Variants in SPNS3 observed in about 807,000 individuals in gnomAD.
SPNS3 encodes SPNS lysolipid transporter 3, sphingosine-1-phosphate (putative).
Under a neutral mutation model 54.4 loss-of-function variants are expected in SPNS3, and 51 were observed. That is an observed-to-expected ratio of 0.94 (90% CI 0.75 to 1.18). SPNS3 has a LOEUF of 1.18. Among genes scored for constraint, SPNS3 ranks in the 50% most tolerant of loss-of-function variants. The pLI is 0.00. For missense variants in SPNS3, 669 were observed against 677.4 expected, an observed-to-expected ratio of 0.99 and a Z score of 0.14; for synonymous variants, 309 against 294.7, an observed-to-expected ratio of 1.05 and a Z score of -0.50.
chr17:4,458,444 T>A (rs377642430), intron 8 of SPNS3, among the ~76,000 whole-genome samples: 3,762 of 73,458 alleles, frequency 0.051, 68 homozygotes, highest in South Asian at 0.11. Context: ...CCTCCCTCCC[T>A]CCCTTCTTTC....
chr17:4,461,356 C>CTTTTTTT (rs368514624), intron 8 of SPNS3, among the ~76,000 whole-genome samples: 1 of 56,992 alleles, frequency 1.8e-5, no homozygotes, highest in African/African-American at 6.0e-5. Context: ...CTTTTCTTTT[C>CTTTTTTT]TTTTCTTTTT....
intron 9 of SPNS3, chr17:4,482,176 G>T (rs1972180057): frequency 6.6e-6 from 1 of 152,282 alleles, no homozygotes; most frequent in African/African-American, 2.4e-5. Context: ...GTGAGCCACT[G>T]CGCCTGTCCA....
chr17:4,434,995 G>T lies in SPNS3; in HGVS notation c.199+829G>T, dbSNP rs558837872. On this transcript the variant is annotated intron_variant, in intron 1 of 11. Transcript: ENST00000355530. The stretch of plus-strand genomic sequence containing the variant: ...TTTTTGTATTTTTAGTAGAGACGGG[G>T]TTTTGCCGTGTATGCCAGGCTGTCT... Among the ~76,000 whole-genome samples the T allele has an allele frequency of 5.7e-4, 84 of 147,486 alleles. No homozygotes were observed. The East Asian group carries it at 0.012, about 21-fold the overall frequency.
Position 4,483,154 on chromosome 17 carries a change from C to A in SPNS3, c.1180-3074C>A, listed in dbSNP as rs113462751. On this transcript the variant is annotated intron_variant, in intron 9 of 11. Coordinates refer to ENST00000355530, the MANE Select transcript of SPNS3 (RefSeq NM_182538.5). This position sits in a 1 kb window ranked among gnomAD's most constrained non-coding sequence, Gnocchi z 4.2. ...TCACCCTCTCAGGGGCGTCTGGGGG[C>A]GAGGCCTGGGTGGGGGTGCAGGAGG... Among the ~76,000 whole-genome samples, 550 of 152,304 alleles carry A rather than the reference C, an allele frequency of 3.6e-3. 4 individuals are homozygous for A. Among genetic ancestry groups the A allele is most frequent in the African/African-American group, 0.012 (503 of 41,564 alleles).
At chr17:4,460,150 T>G (rs1309546380) in intron 8 of SPNS3, among the ~76,000 whole-genome samples, 1 of 152,074 alleles carries the variant, frequency 6.6e-6, no homozygotes, top group Non-Finnish European at 1.5e-5. Flanking sequence ...CTGTGATTAG[T>G]GCAGAGAGAG....
chr17:4,440,025 C>A (rs1168627536), intron 2 of SPNS3, among the ~76,000 whole-genome samples: 1 of 152,176 alleles, frequency 6.6e-6, no homozygotes, highest in Non-Finnish European at 1.5e-5. Flanking sequence ...GTTGGTGAGG[C>A]TCAGCGGTGC....
In SPNS3 at chr17:4,486,155, C is replaced by T. The variant is rs890092037; in HGVS notation, c.1180-73C>T. Reference sequence around the variant, plus strand: ...GGCCTGTCACTCCTCCAGGCAGGTCCTTGGCAGGTGGGGAACAGCAGGCAA... The same window carrying T: ...GGCCTGTCACTCCTCCAGGCAGGTCTTTGGCAGGTGGGGAACAGCAGGCAA... On this transcript the variant is annotated intron_variant, in intron 9 of 11. Transcript: ENST00000355530. The surrounding 1 kb of genome is among the most constrained non-coding windows in gnomAD (Gnocchi z 5.5). 3.6e-6 allele frequency: 5 copies of T among 1,378,428 alleles called. No homozygotes were observed. Among genetic ancestry groups the T allele is most frequent in the Non-Finnish European group, 4.8e-6 (5 of 1,040,254 alleles). The allele number at this position is 1,378,428 out of a possible 1,614,324, so 85.4% of individuals were successfully genotyped here. A position where few individuals can be genotyped will look rare whatever the true frequency, so the allele number is the denominator to read the frequency against.
Position 4,448,208 on chromosome 17 carries a change from A to G in SPNS3, c.675A>G (p.Pro225=), listed in dbSNP as rs145332257. 1.2e-4 allele frequency: 187 copies of G among 1,605,376 alleles called. No individual in the cohort carries two copies. In the African/African-American group the frequency reaches 2.3e-3, roughly 20 times the overall value. The change falls in exon 6 of 12, where the codon CCA becomes CCG. Residue 225 remains proline, a synonymous_variant. Coordinates refer to ENST00000355530, the MANE Select transcript of SPNS3 (RefSeq NM_182538.5). ...TGATCCTGCTTATCCTGCTGGTTCC[A>G]GACCCACCCCGGGGAGCTGCCGAGA... ...VALILLILLV[P]DPPRGAAETQ...
At chr17:4,443,020 C>A (rs1232974021) in intron 2 of SPNS3, among the ~76,000 whole-genome samples, 6 of 152,048 alleles carry the variant, frequency 3.9e-5, no homozygotes, top group Non-Finnish European at 7.4e-5. Context: ...GCAAGTGATC[C>A]CTGCATGTGA....
intron 8 of SPNS3, among the ~76,000 whole-genome samples, chr17:4,477,819 G>A (rs573394304): frequency 3.7e-4 from 56 of 152,272 alleles, no homozygotes; most frequent in Admixed American, 2.9e-3. Context: ...GGGTCCTTTG[G>A]TGGGGTGCCT....
At chr17:4,447,333 G>A (rs1267269583) in intron 5 of SPNS3, among the ~76,000 whole-genome samples, 2 of 152,342 alleles carry the variant, frequency 1.3e-5, no homozygotes, top group African/African-American at 4.8e-5. Context: ...TGTAGAGTAG[G>A]CCCTTGAGGA....
At chr17:4,451,335 T>G (rs1401636946) in intron 7 of SPNS3, among the ~76,000 whole-genome samples, 1 of 150,712 alleles carries the variant, frequency 6.6e-6, no homozygotes, top group Admixed American at 6.7e-5. Context: ...CACTGCAACC[T>G]CGGCCTCCCG....
intron 8 of SPNS3, among the ~76,000 whole-genome samples, chr17:4,469,880 A>T (rs1192669808): frequency 6.6e-6 from 1 of 152,140 alleles, no homozygotes; most frequent in Non-Finnish European, 1.5e-5. Flanking sequence ...TATTTGGGAG[A>T]CACTAAAAAA....
chr17:4,474,656 C>T (rs1219443199), intron 8 of SPNS3, among the ~76,000 whole-genome samples: 1 of 152,168 alleles, frequency 6.6e-6, no homozygotes, highest in Non-Finnish European at 1.5e-5. Flanking sequence ...CGTGTACGCA[C>T]ATCCACTCTT....
intron 5 of SPNS3, among the ~76,000 whole-genome samples, 157 bp downstream of exon 5, chr17:4,447,119 C>T: frequency 6.6e-6 from 1 of 152,082 alleles, no homozygotes; most frequent in East Asian, 1.9e-4. Context: ...TGTGGGGCCT[C>T]ATAGGGAGCA....
At chr17:4,453,735 A>T (rs1235641687) in intron 8 of SPNS3, among the ~76,000 whole-genome samples, 1 of 152,210 alleles carries the variant, frequency 6.6e-6, no homozygotes, top group Non-Finnish European at 1.5e-5. Context: ...CATTGGGTTA[A>T]TGTGTTAATT....
intron 8 of SPNS3, among the ~76,000 whole-genome samples, chr17:4,462,754 A>AATCCATCC (rs1194188864): frequency 4.9e-5 from 1 of 20,402 alleles, no homozygotes; most frequent in East Asian, 1.7e-3. Flanking sequence ...TCCATCCACC[A>AATCCATCC]ATCCATCCAT....
In SPNS3 at chr17:4,487,810, C is replaced by T; in HGVS notation, c.1455C>T (p.Thr485=). Residue 485 remains threonine (T), a synonymous_variant, in exon 12 of 12, where the codon ACC becomes ACT. Transcript: ENST00000355530. ...TGAGCATCTTTCCTCCTGCAGGGACCCCAGACAGCAATGATGTGGACAGCA... is the reference window on the plus strand; with the variant it reads ...TGAGCATCTTTCCTCCTGCAGGGACTCCAGACAGCAATGATGTGGACAGCA... The part of the protein sequence containing the change: ...ETRAWQPVTG[T]PDSNDVDSND... The T allele has an allele frequency of 6.2e-7, 1 of 1,614,050 alleles. No individual in the cohort carries two copies. The highest frequency in any genetic ancestry group is 1.3e-5 in the African/African-American group (1 of 75,080).
chr17:4,435,812 A>G (rs914344597), intron 1 of SPNS3, among the ~76,000 whole-genome samples: 3 of 152,136 alleles, frequency 2.0e-5, no homozygotes, highest in Non-Finnish European at 4.4e-5. Flanking sequence ...CACGCCTGTA[A>G]TCCCAGCTAC....
Sources: gnomAD v4.1 joint callset for allele counts (sites outside exome capture counted in the v4.1 genomes callset) on GRCh38, gnomAD v4.1.1 for gene constraint, Gnocchi (gnomAD v3.1) non-coding constraint, MANE v1.5 for transcripts, NCBI Gene and HGNC (gene_info 2026-07-23, HGNC 2026-07-21) for gene names.